Variants in OR3A2 observed in about 807,000 individuals in gnomAD.
OR3A2 encodes the protein olfactory receptor family 3 subfamily A member 2.
For synonymous variants in OR3A2, 126 were observed against 159.3 expected, an observed-to-expected ratio of 0.79 and a Z score of 1.57; for missense variants, 318 against 392.8, an observed-to-expected ratio of 0.81 and a Z score of 1.61.
intron 3 of OR3A2, among the ~76,000 whole-genome samples, chr17:3,330,170 GA>G (rs980771862): frequency 4.2e-4 from 64 of 150,922 alleles, no homozygotes; most frequent in African/African-American, 1.5e-3. Context: ...GTGTGGTGCT[GA>G]AAAAAATGTA....
chr17:3,282,780 T>G lies in OR3A2; in HGVS notation c.-7+1578A>C, dbSNP rs1184963527. Among the ~76,000 whole-genome samples, 14 of 152,216 alleles carry G rather than the reference T, an allele frequency of 9.2e-5. 1 individual carries two copies. The highest frequency in any genetic ancestry group is 9.2e-4 in the Admixed American group (14 of 15,288). ...TACATATGTTATATTAAAGGATAGTTGACTACTTCCCTTTTTCCTGTCAGG... is the reference window on the plus strand; with the variant it reads ...TACATATGTTATATTAAAGGATAGTGGACTACTTCCCTTTTTCCTGTCAGG... On this transcript the variant is annotated intron_variant, in intron 1 of 1. Coordinates refer to ENST00000642052, the Ensembl canonical transcript of OR3A2.
At chr17:3,348,356 T>C (rs1294070319) in intron 2 of OR3A2, among the ~76,000 whole-genome samples, 1 of 152,160 alleles carries the variant, frequency 6.6e-6, no homozygotes, top group Non-Finnish European at 1.5e-5. Flanking sequence ...CTAGGTTTTC[T>C]TCTAGGGTTT....
chr17:3,278,925 T>G lies in OR3A2; in HGVS notation c.-6-2A>C, dbSNP rs535093834. 2 of 1,533,512 alleles carry G rather than the reference T, an allele frequency of 1.3e-6. No individual in the cohort carries two copies. Among genetic ancestry groups the G allele is most frequent in the South Asian group, 1.3e-5 (1 of 76,994 alleles). The allele number at this position is 1,533,512 out of a possible 1,614,324, so 95.0% of individuals were successfully genotyped here. On this transcript the variant is annotated splice_acceptor_variant, in intron 1 of 1. Coordinates refer to ENST00000642052, the Ensembl canonical transcript of OR3A2. LOFTEE classifies it low-confidence loss of function (5UTR_SPLICE). The stretch of plus-strand genomic sequence containing the variant: ...CCCAGCTTCTGGCTCCATGAGTTTC[T>G]GTAAGGACATGTCCCAGCAGGGGAG...
intron 2 of OR3A2, chr17:3,383,792 A>G (rs2150670399): frequency 6.6e-6 from 1 of 152,184 alleles, no homozygotes; most frequent in Middle Eastern, 3.4e-3. Context: ...AAAATGTTAT[A>G]TATCTGGTTA....
intron 2 of OR3A2, among the ~76,000 whole-genome samples, chr17:3,377,881 T>C (rs935581755): frequency 7.5e-4 from 115 of 152,364 alleles, no homozygotes; most frequent in Non-Finnish European, 6.0e-4. Context: ...GAAAACTATT[T>C]ATCAGTTTCT....
At chr17:3,378,075 C>T (rs890123342) in intron 2 of OR3A2, among the ~76,000 whole-genome samples, 13 of 152,326 alleles carry the variant, frequency 8.5e-5, no homozygotes, top group East Asian at 7.7e-4. Flanking sequence ...CACCTGGAAC[C>T]GGCAGCCTGG....
intron 2 of OR3A2, among the ~76,000 whole-genome samples, chr17:3,350,599 G>A (rs1014250818): frequency 6.7e-6 from 1 of 150,234 alleles, no homozygotes; most frequent in African/African-American, 2.4e-5. Context: ...AATTCTACCA[G>A]AGGTACAAGG....
At chr17:3,281,198 A>G (rs937204996) in intron 1 of OR3A2, among the ~76,000 whole-genome samples, 15 of 152,022 alleles carry the variant, frequency 9.9e-5, no homozygotes, top group Admixed American at 4.6e-4. Flanking sequence ...CAGGCCGATT[A>G]AATCAGAATC....
chr17:3,348,328 T>C (rs969423095), intron 2 of OR3A2, among the ~76,000 whole-genome samples: 10 of 152,206 alleles, frequency 6.6e-5, no homozygotes, highest in Non-Finnish European at 1.2e-4. Context: ...CCCATGCCTA[T>C]GTCCTGAATG....
At chr17:3,322,449 T>G (rs1020685088) in intron 3 of OR3A2, among the ~76,000 whole-genome samples, 1 of 152,232 alleles carries the variant, frequency 6.6e-6, no homozygotes, top group African/African-American at 2.4e-5. Flanking sequence ...CTCTAGTTCT[T>G]TTAATTGTGA....
chr17:3,369,805 C>CTTTTTTTT (rs35233474), intron 2 of OR3A2, among the ~76,000 whole-genome samples: 4 of 134,674 alleles, frequency 3.0e-5, no homozygotes, highest in African/African-American at 1.1e-4. Context: ...TAGATTGGTA[C>CTTTTTTTT]TTTTTTTTTT....
At chr17:3,353,118 CTTT>C (rs33989147) in intron 2 of OR3A2, among the ~76,000 whole-genome samples, 65 of 145,534 alleles carry the variant, frequency 4.5e-4, no homozygotes, top group African/African-American at 7.3e-4. Flanking sequence ...CTTATAAGTT[CTTT>C]TTTTTTTTTT....
chr17:3,321,965 C>T (rs1334961446), intron 3 of OR3A2, among the ~76,000 whole-genome samples: 1 of 152,120 alleles, frequency 6.6e-6, no homozygotes, highest in Admixed American at 6.6e-5. Flanking sequence ...GTACCAGCTC[C>T]TCCTTGTACC....
chr17:3,280,362 C>CAGTTCACGCCATTCTTGAA (rs1191644977), intron 1 of OR3A2, among the ~76,000 whole-genome samples: 1 of 151,866 alleles, frequency 6.6e-6, no homozygotes, highest in Non-Finnish European at 1.5e-5. Context: ...AGCTCCGCCT[C>CAGTTCACGCCATTCTTGAA]CTGGGTTCAC....
At chr17:3,332,691 A>G (rs995268495) in intron 3 of OR3A2, among the ~76,000 whole-genome samples, 26 of 152,252 alleles carry the variant, frequency 1.7e-4, no homozygotes, top group Non-Finnish European at 4.4e-5. Flanking sequence ...GCTGTAGACC[A>G]GAGCTGTTCC....
At chr17:3,326,223 C>A (rs531361214) in intron 3 of OR3A2, among the ~76,000 whole-genome samples, 43 of 152,158 alleles carry the variant, frequency 2.8e-4, no homozygotes, top group Admixed American at 1.3e-3. Context: ...CATGTCTTTG[C>A]TATTATGAAT....
intron 2 of OR3A2, among the ~76,000 whole-genome samples, chr17:3,348,990 T>C (rs998440793): frequency 8.5e-5 from 13 of 152,088 alleles, no homozygotes; most frequent in African/African-American, 3.1e-4. Flanking sequence ...CTGAGAGATT[T>C]TGTCGCCACC....
Position 3,292,662 on chromosome 17 carries a change from C to A in OR3A2, c.-84-13509G>T. ...TATTTACTCAAGAAAAAGAAACAGACCCCCTTCTACTTGCCCGGCCCTCTG... is the reference window on the plus strand; with the variant it reads ...TATTTACTCAAGAAAAAGAAACAGAACCCCTTCTACTTGCCCGGCCCTCTG... On this transcript the variant is annotated intron_variant, in intron 3 of 4. Transcript: ENST00000573491. 2.3e-6 allele frequency: 3 copies of A among 1,283,930 alleles called. No homozygotes were observed. In the South Asian group the frequency reaches 4.5e-5, roughly 19 times the overall value. 79.5% of individuals were successfully genotyped at this position (1,283,930 alleles called of 1,614,324 possible). A position where few individuals can be genotyped will look rare whatever the true frequency, so the allele number is the denominator to read the frequency against.
chr17:3,331,781 G>A (rs940351534), intron 3 of OR3A2, among the ~76,000 whole-genome samples: 43 of 152,016 alleles, frequency 2.8e-4, no homozygotes, highest in African/African-American at 1.0e-3. Flanking sequence ...TTTGGAGGAG[G>A]AGAGGCGCTC....
Sources: gnomAD v4.1 joint callset for allele counts (sites outside exome capture counted in the v4.1 genomes callset) on GRCh38, gnomAD v4.1.1 for gene constraint, MANE v1.5 for transcripts, NCBI Gene and HGNC (gene_info 2026-07-23, HGNC 2026-07-21) for gene names.